Variants in EYS observed in about 807,000 individuals in gnomAD.
The protein encoded by EYS is EGF-like photoreceptor maintenance factor, also known as protein eyes shut homolog.
Under a neutral mutation model 282.1 loss-of-function variants are expected in EYS, and 250 were observed. The ratio of observed to expected loss-of-function variants is 0.89; its 90% CI spans 0.80 to 0.98. The LOEUF (loss-of-function observed/expected upper bound fraction) is 0.98, where lower values mean the gene tolerates loss of function less well. Ranked by LOEUF, EYS falls within the 50% of genes least tolerant of loss-of-function variation. The pLI, the probability that EYS is intolerant of heterozygous loss-of-function variation, is 0.00. For missense variants in EYS, 4,016 were observed against 3,709.0 expected, an observed-to-expected ratio of 1.08 and a Z score of -2.15; for synonymous variants, 1,355 against 1,282.9, an observed-to-expected ratio of 1.06 and a Z score of -1.20.
At chr6:64,165,324 C>T (rs1302025742) in intron 31 of EYS, among the ~76,000 whole-genome samples, 3 of 151,904 alleles carry the variant, frequency 2.0e-5, no homozygotes, top group Non-Finnish European at 4.4e-5. Flanking sequence ...CAGTGTTAAT[C>T]TATGATTTTA....
intron 29 of EYS, among the ~76,000 whole-genome samples, chr6:64,369,593 G>A (rs1772286736): frequency 6.6e-6 from 1 of 152,016 alleles, no homozygotes; most frequent in Non-Finnish European, 1.5e-5. Context: ...TTTGAGCAAT[G>A]ATTTGTAATT....
chr6:64,919,303 C>G (rs551947701), intron 15 of EYS, among the ~76,000 whole-genome samples: 1 of 152,184 alleles, frequency 6.6e-6, no homozygotes, highest in South Asian at 2.1e-4. Flanking sequence ...TCTCAAGTAG[C>G]TGGGATTACA....
At chr6:64,264,010 T>C (rs528412921) in intron 30 of EYS, among the ~76,000 whole-genome samples, 8 of 152,280 alleles carry the variant, frequency 5.3e-5, no homozygotes, top group Middle Eastern at 6.8e-3. Context: ...TCCACACCCA[T>C]GTATTTACAT....
At chr6:63,735,460 G>C (rs554009722) in intron 41 of EYS, among the ~76,000 whole-genome samples, 41 of 150,844 alleles carry the variant, frequency 2.7e-4, no homozygotes, top group Non-Finnish European at 5.3e-4. Flanking sequence ...CTCATTTCCT[G>C]TCTCTGTCTT....
intron 41 of EYS, among the ~76,000 whole-genome samples, chr6:63,748,753 G>C (rs1375102966): frequency 6.6e-6 from 1 of 152,090 alleles, no homozygotes; most frequent in South Asian, 2.1e-4. Context: ...ATTTTTCCTA[G>C]ATTTTCAAAT....
Position 64,590,512 on chromosome 6 carries a change from T to C in EYS, c.5355A>G (p.Ser1785=). 6.4e-7 allele frequency: 1 copy of C among 1,551,462 alleles called. No individual in the cohort carries two copies. The highest frequency in any genetic ancestry group is 8.7e-7 in the Non-Finnish European group (1 of 1,146,798). The change falls in exon 26 of 43, where the codon TCA becomes TCG. Residue 1785 remains serine (S), a synonymous_variant. Transcript: ENST00000503581. ...AAAATGCAACATTGGTGGTGACTTC[T>C]GAAAAATCAGGCACTGAGCCTGTCA... ...PPLTGSVPDF[S]EVTTNVAFYT...
At chr6:64,584,406 A>G (rs1766168338) in intron 26 of EYS, among the ~76,000 whole-genome samples, 1 of 151,530 alleles carries the variant, frequency 6.6e-6, no homozygotes, top group African/African-American at 2.4e-5. Context: ...TTAAAATTTT[A>G]ATATAATATT....
intron 29 of EYS, among the ~76,000 whole-genome samples, chr6:64,384,444 C>A (rs1014624942): frequency 6.6e-6 from 1 of 151,948 alleles, no homozygotes; most frequent in Non-Finnish European, 1.5e-5. Flanking sequence ...TTACTTACAT[C>A]TGAAAAAAAG....
chr6:65,655,296 C>T (rs1371343283), intron 1 of EYS, among the ~76,000 whole-genome samples: 3 of 151,602 alleles, frequency 2.0e-5, no homozygotes, highest in Admixed American at 6.6e-5. Context: ...CATATAGTGA[C>T]TTCCTTCTAA....
chr6:63,750,523 G>T (rs140207768), intron 41 of EYS, among the ~76,000 whole-genome samples: 244 of 152,210 alleles, frequency 1.6e-3, no homozygotes, highest in African/African-American at 5.6e-3. Flanking sequence ...GTTTCCAGTG[G>T]CTTCTGAATT....
At chr6:65,035,791 C>A (rs966637029) in intron 13 of EYS, among the ~76,000 whole-genome samples, 1 of 151,398 alleles carries the variant, frequency 6.6e-6, no homozygotes, top group East Asian at 1.9e-4. Flanking sequence ...GTCAAACTAG[C>A]GATGACATTT....
intron 14 of EYS, among the ~76,000 whole-genome samples, chr6:64,973,860 T>G (rs1770382730): frequency 6.6e-6 from 1 of 151,908 alleles, no homozygotes; most frequent in African/African-American, 2.4e-5. Flanking sequence ...GTCAAAAGGG[T>G]GAAATTCCTT....
intron 29 of EYS, among the ~76,000 whole-genome samples, chr6:64,361,835 T>C (rs547685810): frequency 9.7e-4 from 147 of 151,928 alleles, no homozygotes; most frequent in Non-Finnish European, 1.8e-3. Context: ...AATTATTACT[T>C]TAAATGTAAG....
At chr6:63,759,267 C>G (rs1362080117) in intron 41 of EYS, among the ~76,000 whole-genome samples, 1 of 152,058 alleles carries the variant, frequency 6.6e-6, no homozygotes, top group Non-Finnish European at 1.5e-5. Flanking sequence ...AACAGAGATT[C>G]TTAAATATCT....
chr6:64,203,842 G>C (rs1337268909), intron 31 of EYS, among the ~76,000 whole-genome samples: 3 of 152,068 alleles, frequency 2.0e-5, no homozygotes, highest in Non-Finnish European at 4.4e-5. Flanking sequence ...ATTTATGTAC[G>C]AATGAACAAG....
chr6:65,193,614 T>C (rs1201227708), intron 12 of EYS, among the ~76,000 whole-genome samples: 1 of 151,764 alleles, frequency 6.6e-6, no homozygotes, highest in Non-Finnish European at 1.5e-5. Flanking sequence ...ATTCATTTAT[T>C]GTTCAACAAA....
intron 19 of EYS, among the ~76,000 whole-genome samples, chr6:64,865,502 A>G (rs1467482168): frequency 1.3e-5 from 2 of 152,122 alleles, no homozygotes; most frequent in Non-Finnish European, 2.9e-5. Context: ...TACAGGAAAC[A>G]AACAAAATAA....
chr6:63,933,648 A>G (rs1183794242), intron 35 of EYS, among the ~76,000 whole-genome samples: 1 of 152,076 alleles, frequency 6.6e-6, no homozygotes, highest in Non-Finnish European at 1.5e-5. Context: ...TCTAATCATG[A>G]AGTTTTTCCA....
chr6:65,402,947 C>T (rs912896368), intron 6 of EYS, among the ~76,000 whole-genome samples: 1 of 152,060 alleles, frequency 6.6e-6, no homozygotes, highest in African/African-American at 2.4e-5. Flanking sequence ...TTGAACCCAG[C>T]CACCATGCTC....
Sources: allele counts gnomAD v4.1 joint callset (sites outside exome capture counted in the v4.1 genomes callset), GRCh38; gene constraint gnomAD v4.1.1; transcripts MANE v1.5; gene names NCBI Gene and HGNC (gene_info 2026-07-23, HGNC 2026-07-21).